The following LRRC4C variants were observed in gnomAD, a reference collection of about 807,000 sequenced individuals.
LRRC4C encodes the protein leucine rich repeat containing 4C.
LRRC4C carries 5 observed loss-of-function variants against 33.6 expected under a neutral mutation model. That is an observed-to-expected ratio of 0.15 (90% confidence interval 0.08 to 0.31). LRRC4C has a LOEUF of 0.31. LRRC4C is among the 10% of genes least tolerant of loss of function. The pLI is 1.00. For synonymous variants in LRRC4C, 329 were observed against 302.0 expected (o/e 1.09, Z -0.93); for missense variants, 560 against 796.7 (o/e 0.70, Z 3.58).
chr11:41,108,109 A>G (rs1398424960), intron 1 of LRRC4C, among the ~76,000 whole-genome samples: 1 of 152,082 alleles, frequency 6.6e-6, no homozygotes, highest in Non-Finnish European at 1.5e-5. Context: ...GATAAGCACT[A>G]AAGGGCTGGT....
At chr11:40,369,054 C>T (rs1948336512) in intron 3 of LRRC4C, among the ~76,000 whole-genome samples, 1 of 152,148 alleles carries the variant, frequency 6.6e-6, no homozygotes, top group South Asian at 2.1e-4. Flanking sequence ...GTAAGGACAG[C>T]AGTGTTGTTA....
intron 3 of LRRC4C, among the ~76,000 whole-genome samples, chr11:40,431,531 C>G (rs1950935647): frequency 6.6e-6 from 1 of 152,004 alleles, no homozygotes; most frequent in Admixed American, 6.6e-5. Flanking sequence ...TTTTCCCATG[C>G]CTACCACCTC....
At chr11:40,778,836 G>A (rs1950110004) in intron 2 of LRRC4C, among the ~76,000 whole-genome samples, 1 of 151,662 alleles carries the variant, frequency 6.6e-6, no homozygotes, top group Non-Finnish European at 1.5e-5. Context: ...ATATCCAATG[G>A]TACCTAGAAT....
intron 2 of LRRC4C, among the ~76,000 whole-genome samples, chr11:40,891,449 C>T (rs1482006338): frequency 6.6e-6 from 1 of 152,100 alleles, no homozygotes; most frequent in Admixed American, 6.5e-5. Flanking sequence ...CAATGACATC[C>T]TTCAGAGAAA....
intron 2 of LRRC4C, among the ~76,000 whole-genome samples, chr11:40,853,563 C>A (rs577899570): frequency 6.6e-6 from 1 of 151,758 alleles, no homozygotes; most frequent in Non-Finnish European, 1.5e-5. Context: ...ATATGCAAAA[C>A]GATCAAAAAC....
chr11:41,117,340 A>G (rs12796468), intron 1 of LRRC4C, among the ~76,000 whole-genome samples: 30,499 of 152,122 alleles, frequency 0.2, 3,768 homozygotes, highest in East Asian at 0.41. Flanking sequence ...AATTTTAAAA[A>G]ACATAACAAA....
intron 1 of LRRC4C, among the ~76,000 whole-genome samples, chr11:41,126,330 A>G (rs1337298658): frequency 1.3e-5 from 2 of 152,010 alleles, no homozygotes; most frequent in East Asian, 3.9e-4. Context: ...CCTAAGTAAG[A>G]TTTAAGGTGG....
At chr11:40,305,870 C>T (rs923756115) in intron 4 of LRRC4C, among the ~76,000 whole-genome samples, 1 of 152,164 alleles carries the variant, frequency 6.6e-6, no homozygotes, top group Non-Finnish European at 1.5e-5. Flanking sequence ...TGCTGGCATC[C>T]AATAAGCACT....
chr11:40,216,552 G>T (rs753175434), intron 5 of LRRC4C, among the ~76,000 whole-genome samples: 7 of 152,150 alleles, frequency 4.6e-5, no homozygotes, highest in Non-Finnish European at 8.8e-5. Flanking sequence ...GAACAAGCTA[G>T]TTCTCTTCTA....
At chr11:41,344,846 T>G (rs1419649885) in intron 1 of LRRC4C, among the ~76,000 whole-genome samples, 1 of 152,170 alleles carries the variant, frequency 6.6e-6, no homozygotes, top group Non-Finnish European at 1.5e-5. Flanking sequence ...CAATTGAAAA[T>G]TAAATTGTAT....
At chr11:40,889,058 T>C (rs1019377154) in intron 2 of LRRC4C, among the ~76,000 whole-genome samples, 2 of 152,056 alleles carry the variant, frequency 1.3e-5, no homozygotes, top group Non-Finnish European at 2.9e-5. Flanking sequence ...TAGTGTACCA[T>C]ATAACCCAGC....
intron 1 of LRRC4C, among the ~76,000 whole-genome samples, chr11:41,069,277 A>C (rs989798193): frequency 4.6e-5 from 7 of 152,216 alleles, no homozygotes; most frequent in Non-Finnish European, 1.0e-4. Flanking sequence ...TCTCCAAATA[A>C]TACAAGCTAT....
At chr11:41,138,082 G>A (rs1253991082) in intron 1 of LRRC4C, among the ~76,000 whole-genome samples, 2 of 152,182 alleles carry the variant, frequency 1.3e-5, no homozygotes, top group African/African-American at 4.8e-5. Context: ...ACTTATTCAT[G>A]TATTCATTCA....
chr11:41,101,866 C>A (rs767513708), intron 1 of LRRC4C, among the ~76,000 whole-genome samples: 48 of 152,070 alleles, frequency 3.2e-4, no homozygotes, highest in Non-Finnish European at 3.1e-4. Context: ...TCATACTCAG[C>A]AAACTAACAC....
chr11:40,319,511 A>G (rs1945737398), intron 4 of LRRC4C, 117 bp downstream of exon 4: 1 of 152,184 alleles, frequency 6.6e-6, no homozygotes, highest in African/African-American at 2.4e-5. Flanking sequence ...AATAAAAGCA[A>G]TGCCTGGTTT....
chr11:41,031,787 G>A (rs949001497), intron 1 of LRRC4C, among the ~76,000 whole-genome samples: 2 of 152,006 alleles, frequency 1.3e-5, no homozygotes, highest in African/African-American at 4.8e-5. Context: ...AGTCTAAGTA[G>A]CCAAGTTCTA....
chr11:40,922,778 T>C (rs1361401898), intron 2 of LRRC4C, among the ~76,000 whole-genome samples: 1 of 152,220 alleles, frequency 6.6e-6, no homozygotes, highest in Non-Finnish European at 1.5e-5. Flanking sequence ...CAGTGATAGT[T>C]GATTGTGTTG....
intron 3 of LRRC4C, among the ~76,000 whole-genome samples, chr11:40,431,734 G>A (rs929801298): frequency 1.3e-5 from 2 of 152,174 alleles, no homozygotes; most frequent in African/African-American, 4.8e-5. Context: ...ACCAGCACCA[G>A]ATCTATTATC....
intron 1 of LRRC4C, among the ~76,000 whole-genome samples, chr11:41,458,254 G>C (rs1362977617): frequency 6.6e-6 from 1 of 152,084 alleles, no homozygotes; most frequent in African/African-American, 2.4e-5. Context: ...TTGGCTAACA[G>C]TCCATGAACT....
Sources: gnomAD v4.1 joint callset for allele counts (sites outside exome capture counted in the v4.1 genomes callset) on GRCh38, gnomAD v4.1.1 for gene constraint, MANE v1.5 for transcripts, NCBI Gene and HGNC (gene_info 2026-07-23, HGNC 2026-07-21) for gene names.